Variants in GPC5 observed in about 807,000 individuals in gnomAD.
The protein encoded by GPC5 is glypican 5, also known as glypican-5.
Under a neutral mutation model 53.9 loss-of-function variants are expected in GPC5, and 47 were observed. The observed-to-expected ratio is 0.87, with a 90% CI of 0.69 to 1.11. The LOEUF is 1.11. Among genes scored for constraint, GPC5 ranks in the 50% most tolerant of loss-of-function variants. The probability of loss-of-function intolerance (pLI) is 0.00; values close to 1 mark genes in which losing one functional copy is unlikely to be tolerated. For missense variants in GPC5, 748 were observed against 713.1 expected (o/e 1.05, Z -0.56); for synonymous variants, 286 against 263.3 (o/e 1.09, Z -0.84).
intron 7 of GPC5, among the ~76,000 whole-genome samples, chr13:92,677,371 CAG>C (rs1886980428): frequency 1.3e-5 from 2 of 152,138 alleles, no homozygotes; most frequent in Non-Finnish European, 2.9e-5. Flanking sequence ...CAAGTTGAGG[CAG>C]CAGACTAGGC....
chr13:92,750,620 C>T (rs1889361192), intron 7 of GPC5, among the ~76,000 whole-genome samples: 1 of 152,150 alleles, frequency 6.6e-6, no homozygotes, highest in East Asian at 1.9e-4. Flanking sequence ...GAGCTCTCAG[C>T]TACTGATTGA....
chr13:92,295,985 C>T (rs1184067658), intron 7 of GPC5, among the ~76,000 whole-genome samples: 1 of 152,124 alleles, frequency 6.6e-6, no homozygotes, highest in African/African-American at 2.4e-5. Context: ...GGTACCATTC[C>T]ATTCATCATG....
chr13:92,098,488 A>T (rs1224704406), intron 6 of GPC5, among the ~76,000 whole-genome samples: 2 of 152,176 alleles, frequency 1.3e-5, no homozygotes, highest in Non-Finnish European at 2.9e-5. Flanking sequence ...TGAACAGACC[A>T]TTTAAGGAAT....
Position 92,364,558 on chromosome 13 carries a change from G to A in GPC5, c.1561+219569G>A, listed in dbSNP as rs924175015. Reference sequence around the variant, plus strand: ...ATCCTGGCTAACATGGTGAAACCCCGTCTCCACTAAAAATACAAAAAATTA... The same window carrying A: ...ATCCTGGCTAACATGGTGAAACCCCATCTCCACTAAAAATACAAAAAATTA... On this transcript the variant is annotated intron_variant, in intron 7 of 7. Transcript: ENST00000377067. Among the ~76,000 whole-genome samples, 18 of 151,514 alleles carry A rather than the reference G, an allele frequency of 1.2e-4. 1 individual carries two copies. The highest frequency in any genetic ancestry group is 3.4e-4 in the African/African-American group (14 of 40,978).
At chr13:91,987,262 C>A (rs1309506725) in intron 6 of GPC5, among the ~76,000 whole-genome samples, 2 of 152,106 alleles carry the variant, frequency 1.3e-5, no homozygotes. Flanking sequence ...CTGCAGGAGG[C>A]CTGCACATGC....
intron 2 of GPC5, among the ~76,000 whole-genome samples, chr13:91,581,816 C>T (rs1594287609): frequency 6.6e-6 from 1 of 152,186 alleles, no homozygotes; most frequent in East Asian, 1.9e-4. Flanking sequence ...CACACACAAA[C>T]ACACAATCAC....
At chr13:92,436,421 C>T (rs987324872) in intron 7 of GPC5, among the ~76,000 whole-genome samples, 5 of 152,110 alleles carry the variant, frequency 3.3e-5, no homozygotes, top group African/African-American at 9.7e-5. Context: ...TTGTATCCTT[C>T]GCTGGCATCC....
chr13:92,542,006 G>A (rs774108259), intron 7 of GPC5, among the ~76,000 whole-genome samples: 3 of 151,788 alleles, frequency 2.0e-5, no homozygotes, highest in Non-Finnish European at 2.9e-5. Flanking sequence ...GAAAGGGTCT[G>A]TTTTAACTAC....
intron 7 of GPC5, among the ~76,000 whole-genome samples, chr13:92,189,566 C>T (rs61967884): frequency 0.011 from 1,621 of 152,096 alleles, 25 homozygotes; most frequent in Middle Eastern, 0.017. Flanking sequence ...TCTTTTACAT[C>T]GTGTCTGCCT....
At chr13:91,991,557 A>ATT (rs567687164) in intron 6 of GPC5, among the ~76,000 whole-genome samples, 2,815 of 150,904 alleles carry the variant, frequency 0.019, 100 homozygotes, top group African/African-American at 0.064. Flanking sequence ...TAAAGGAAGA[A>ATT]TTTTTTTTTT....
intron 6 of GPC5, among the ~76,000 whole-genome samples, chr13:92,056,229 C>T (rs112323314): frequency 9.9e-5 from 15 of 152,228 alleles, no homozygotes; most frequent in African/African-American, 3.1e-4. Flanking sequence ...CTGCTTTCCT[C>T]GGCTCCTGAC....
intron 5 of GPC5, among the ~76,000 whole-genome samples, chr13:91,817,404 A>G (rs960357481): frequency 7.2e-5 from 11 of 152,328 alleles, no homozygotes; most frequent in East Asian, 5.8e-4. Context: ...AGAGAAGCTC[A>G]TGGAAATGCG....
chr13:91,498,050 A>AC (rs1457876771), intron 2 of GPC5, among the ~76,000 whole-genome samples: 1 of 151,088 alleles, frequency 6.6e-6, no homozygotes, highest in African/African-American at 2.4e-5. Flanking sequence ...TGATATTCAA[A>AC]CCTCTTACCG....
At chr13:91,701,319 A>G (rs2035986912) in intron 3 of GPC5, among the ~76,000 whole-genome samples, 1 of 152,120 alleles carries the variant, frequency 6.6e-6, no homozygotes, top group South Asian at 2.1e-4. Flanking sequence ...TTTCTGTCTA[A>G]TTGAAACTTC....
chr13:92,380,633 A>G (rs2043730838), intron 7 of GPC5, among the ~76,000 whole-genome samples: 2 of 151,812 alleles, frequency 1.3e-5, no homozygotes, highest in South Asian at 2.1e-4. Context: ...TGTCCTTTGT[A>G]GGGACGTGGA....
chr13:91,944,818 G>T (rs1258740129), intron 6 of GPC5, among the ~76,000 whole-genome samples: 1 of 152,268 alleles, frequency 6.6e-6, no homozygotes, highest in Admixed American at 6.5e-5. Context: ...ACACTTTATA[G>T]CTGATAGATA....
intron 7 of GPC5, among the ~76,000 whole-genome samples, chr13:92,604,014 T>C (rs1449157683): frequency 2.0e-5 from 3 of 152,212 alleles, no homozygotes; most frequent in African/African-American, 7.2e-5. Flanking sequence ...CTTACCTACG[T>C]GCTCAAAAAG....
intron 7 of GPC5, among the ~76,000 whole-genome samples, chr13:92,758,840 T>C (rs1875025726): frequency 6.6e-6 from 1 of 152,110 alleles, no homozygotes; most frequent in African/African-American, 2.4e-5. Context: ...TATATTTTCA[T>C]CTAGGAGTTT....
intron 5 of GPC5, among the ~76,000 whole-genome samples, chr13:91,853,636 A>T (rs940814365): frequency 6.6e-6 from 1 of 151,978 alleles, no homozygotes; most frequent in Non-Finnish European, 1.5e-5. Context: ...CTTCTGAATG[A>T]TGAGTGTGCT....
Sources: allele counts gnomAD v4.1 joint callset (sites outside exome capture counted in the v4.1 genomes callset), GRCh38; gene constraint gnomAD v4.1.1; transcripts MANE v1.5; gene names NCBI Gene and HGNC (gene_info 2026-07-23, HGNC 2026-07-21).